The following GALNT17 variants were observed in gnomAD, a reference collection of about 807,000 sequenced individuals.
GALNT17 encodes the protein polypeptide N-acetylgalactosaminyltransferase 17.
Under a neutral mutation model 63.7 loss-of-function variants are expected in GALNT17, and 29 were observed. That is an observed-to-expected ratio of 0.46 (90% confidence interval 0.34 to 0.62). The LOEUF is 0.62. GALNT17 is among the 20% of genes least tolerant of loss of function. The probability of loss-of-function intolerance (pLI) is 0.01; values close to 1 mark genes in which losing one functional copy is unlikely to be tolerated. For missense variants in GALNT17, 603 were observed against 799.6 expected, an observed-to-expected ratio of 0.75 and a Z score of 2.97; for synonymous variants, 305 against 318.3, an observed-to-expected ratio of 0.96 and a Z score of 0.45.
Position 71,475,275 on chromosome 7 carries a change from T to A in GALNT17, c.962+54170T>A, listed in dbSNP as rs1246781485. Among the ~76,000 whole-genome samples the A allele has an allele frequency of 4.6e-5, 7 of 152,214 alleles. No individual in the cohort carries two copies. The East Asian group carries it at 1.3e-3, about 29-fold the overall frequency. ...CATTCCATTGATTGTACACTTTGTTTTTATTATTATTACATTGTAATATAT... is the reference window on the plus strand; with the variant it reads ...CATTCCATTGATTGTACACTTTGTTATTATTATTATTACATTGTAATATAT... On this transcript the variant is annotated intron_variant, in intron 5 of 10. Transcript: ENST00000333538.
chr7:71,615,357 T>TCCGAGTCACTGATACTGAGATCATGG (rs1327859454), intron 6 of GALNT17, among the ~76,000 whole-genome samples: 1 of 152,050 alleles, frequency 6.6e-6, no homozygotes, highest in African/African-American at 2.4e-5. Context: ...CAGCGAGACC[T>TCCGAGTCACTGATACTGAGATCATGG]CCGAGTCACT....
intron 5 of GALNT17, among the ~76,000 whole-genome samples, chr7:71,431,209 CTTTT>C (rs1265130879): frequency 3.5e-5 from 4 of 115,114 alleles, no homozygotes; most frequent in African/African-American, 3.7e-5. Context: ...CTTTTCTTTT[CTTTT>C]TTTTTTTTTT....
chr7:71,179,584 C>T (rs1319514775), intron 1 of GALNT17, among the ~76,000 whole-genome samples: 2 of 152,354 alleles, frequency 1.3e-5, no homozygotes, highest in East Asian at 3.9e-4. Flanking sequence ...TTTCACCATA[C>T]TCCTGTGGTT....
chr7:71,285,846 G>A (rs982817314), intron 1 of GALNT17, among the ~76,000 whole-genome samples: 1 of 152,154 alleles, frequency 6.6e-6, no homozygotes, highest in Non-Finnish European at 1.5e-5. Flanking sequence ...TGGTATTTTT[G>A]TTATGGCAGG....
At chr7:71,308,603 C>T (rs1791352890) in intron 1 of GALNT17, among the ~76,000 whole-genome samples, 1 of 152,026 alleles carries the variant, frequency 6.6e-6, no homozygotes, top group Non-Finnish European at 1.5e-5. Context: ...CTCTGTATCC[C>T]CAGAACCTTG....
At chr7:71,401,796 G>T (rs1009900360) in intron 3 of GALNT17, among the ~76,000 whole-genome samples, 1 of 152,066 alleles carries the variant, frequency 6.6e-6, no homozygotes, top group African/African-American at 2.4e-5. Context: ...CAAGCTCAGG[G>T]CTCCCACTGA....
intron 1 of GALNT17, among the ~76,000 whole-genome samples, chr7:71,272,206 C>T (rs1207616603): frequency 9.2e-5 from 14 of 152,120 alleles, no homozygotes; most frequent in Non-Finnish European, 1.8e-4. Flanking sequence ...TTCTTTTTTA[C>T]TGTTAAGTAA....
chr7:71,693,295 C>CATATATAT (rs1791486966), intron 9 of GALNT17, among the ~76,000 whole-genome samples: 1 of 120,804 alleles, frequency 8.3e-6, no homozygotes, highest in African/African-American at 3.3e-5. Context: ...CACACACACA[C>CATATATAT]ACACACACAC....
At chr7:71,501,390 G>A (rs556752017) in intron 5 of GALNT17, among the ~76,000 whole-genome samples, 61 of 151,972 alleles carry the variant, frequency 4.0e-4, no homozygotes, top group African/African-American at 1.4e-3. Flanking sequence ...TCAGCCTCCC[G>A]AGTAGCTGGG....
chr7:71,602,808 C>A (rs1263871629), intron 6 of GALNT17, among the ~76,000 whole-genome samples: 2 of 152,164 alleles, frequency 1.3e-5, no homozygotes, highest in Admixed American at 1.3e-4. Context: ...TCAACTCCTT[C>A]ACTACTTCTG....
chr7:71,399,982 G>C (rs933011768), intron 3 of GALNT17, among the ~76,000 whole-genome samples: 2 of 152,068 alleles, frequency 1.3e-5, no homozygotes, highest in African/African-American at 2.4e-5. Context: ...TGATTTACAA[G>C]AACTTTTTAT....
chr7:71,163,805 C>T (rs752243509), intron 1 of GALNT17, among the ~76,000 whole-genome samples: 2 of 152,120 alleles, frequency 1.3e-5, no homozygotes, highest in African/African-American at 4.8e-5. Context: ...TGATGCAGAT[C>T]GAAAAGGGAT....
chr7:71,693,257 C>CACATAT (rs1554325691), intron 9 of GALNT17, among the ~76,000 whole-genome samples: 1 of 86,146 alleles, frequency 1.2e-5, no homozygotes, highest in Non-Finnish European at 2.0e-5. Context: ...TATACACACA[C>CACATAT]ACACATACAC....
chr7:71,549,828 G>A (rs1168535321), intron 5 of GALNT17, among the ~76,000 whole-genome samples: 2 of 151,898 alleles, frequency 1.3e-5, no homozygotes, highest in African/African-American at 4.8e-5. Flanking sequence ...AGAAGAGGAG[G>A]ATCCGAGGGA....
At chr7:71,475,680 T>C (rs1202700830) in intron 5 of GALNT17, among the ~76,000 whole-genome samples, 1 of 152,190 alleles carries the variant, frequency 6.6e-6, no homozygotes, top group East Asian at 1.9e-4. Flanking sequence ...GGTCCCCTGC[T>C]TTAAGCCACC....
At chr7:71,247,465 T>C (rs1239020826) in intron 1 of GALNT17, among the ~76,000 whole-genome samples, 1 of 152,160 alleles carries the variant, frequency 6.6e-6, no homozygotes, top group African/African-American at 2.4e-5. Context: ...TACTTTTTTT[T>C]TCTTTTTTGA....
chr7:71,440,535 C>A (rs1022883595), intron 5 of GALNT17, among the ~76,000 whole-genome samples: 1 of 151,930 alleles, frequency 6.6e-6, no homozygotes, highest in African/African-American at 2.4e-5. Context: ...CCACCATGCG[C>A]GGTTAACTTT....
At chr7:71,645,323 G>A (rs777802064) in intron 6 of GALNT17, among the ~76,000 whole-genome samples, 1 of 152,200 alleles carries the variant, frequency 6.6e-6, no homozygotes, top group Non-Finnish European at 1.5e-5. Flanking sequence ...GACCTGGTGT[G>A]AGGTGATTGG....
At chr7:71,679,596 C>T (rs113627796) in intron 9 of GALNT17, among the ~76,000 whole-genome samples, 3 of 152,084 alleles carry the variant, frequency 2.0e-5, no homozygotes, top group South Asian at 4.2e-4. Flanking sequence ...GCGTAACCCA[C>T]GGTGCTGGGG....
Sources: allele counts gnomAD v4.1 joint callset (sites outside exome capture counted in the v4.1 genomes callset), GRCh38; gene constraint gnomAD v4.1.1; transcripts MANE v1.5; gene names NCBI Gene and HGNC (gene_info 2026-07-23, HGNC 2026-07-21).